The following TTN variants were observed in gnomAD, a reference collection of about 807,000 sequenced individuals.
TTN encodes connectin.
In TTN, 1,525 loss-of-function variants were observed where a neutral mutation model predicts 3,223.0. The observed-to-expected ratio is 0.47, with a 90% CI of 0.45 to 0.49. TTN has a LOEUF of 0.49. Among genes scored for constraint, TTN ranks in the 20% least tolerant of loss-of-function variants. The pLI, the probability that TTN is intolerant of heterozygous loss-of-function variation, is 0.00. For synonymous variants in TTN, 14,094 were observed against 15,161.0 expected, an observed-to-expected ratio of 0.93 and a Z score of 5.17; for missense variants, 40,786 against 43,424.0, an observed-to-expected ratio of 0.94 and a Z score of 5.40.
In TTN at chr2:178,534,345, G is replaced by T; in HGVS notation, c.102270C>A (p.His34090Gln). The part of the protein sequence containing the change: ...VSTKVIRTLK[H>Q]RRYYHTLIKK... ...TGATCAGGGTGTGGTAATAACGCCG[G>T]TGTTTTAATGTTCTGATAACTTTAG... is the stretch of plus-strand genomic sequence containing the variant. The change falls in exon 358 of 363, where the codon CAC (histidine) becomes CAA (glutamine). Residue 34090 changes from histidine to glutamine, a missense_variant. Coordinates refer to ENST00000589042, the MANE Select transcript of TTN (RefSeq NM_001267550.2). 6.2e-7 allele frequency: 1 copy of T among 1,612,286 alleles called. No homozygotes were observed. Among genetic ancestry groups the T allele is most frequent in the Non-Finnish European group, 8.5e-7 (1 of 1,179,820 alleles).
At chr2:178,616,435 C>T (rs538916994) in intron 257 of TTN, 44 bp downstream of exon 257, 7 of 1,604,872 alleles carry the variant, frequency 4.4e-6, no homozygotes, top group Non-Finnish European at 5.9e-6. Flanking sequence ...GGGATTTCCC[C>T]TACTCTCATT....
In TTN at chr2:178,643,340, T is replaced by C. The variant is rs989880411; in HGVS notation, c.40478-1023A>G. On this transcript the variant is annotated intron_variant, in intron 218 of 362. Coordinates refer to ENST00000589042, the MANE Select transcript of TTN (RefSeq NM_001267550.2). Reference sequence around the variant, plus strand: ...AATTTAAACCTACAATAGGCAAATATGTATTTCGTTTTGAATAATCATTTT... The same window carrying C: ...AATTTAAACCTACAATAGGCAAATACGTATTTCGTTTTGAATAATCATTTT... Among the ~76,000 whole-genome samples, 15 of 152,098 alleles carry C rather than the reference T, an allele frequency of 9.9e-5. No individual in the cohort carries two copies. In the East Asian group the frequency reaches 2.9e-3, roughly 29 times the overall value.
chr2:178,678,469 A>G lies in TTN; in HGVS notation c.33855T>C (p.Pro11285=). The G allele has an allele frequency of 1.3e-6, 2 of 1,594,092 alleles. No individual in the cohort carries two copies. Among genetic ancestry groups the G allele is most frequent in the South Asian group, 2.3e-5 (2 of 86,844 alleles). The change falls in exon 144 of 363, where the codon CCT becomes CCC. Residue 11285 remains proline, a synonymous_variant. Transcript: ENST00000589042. ...KVPEVPKKPV[P]EKKVPVPAPK... ...GAGCAGGAACTGGCACCTTCTTCTC[A>G]GGCACAGGCTTCTTGGGTACCTCTG...
chr2:178,690,550 C>A (rs2072134738), intron 121 of TTN, among the ~76,000 whole-genome samples: 1 of 151,922 alleles, frequency 6.6e-6, no homozygotes, highest in Non-Finnish European at 1.5e-5. Context: ...GGTTTTCAAC[C>A]TAAAAAATGT....
At position 178,669,265 on chromosome 2, in the gene TTN, C is replaced by A; in HGVS notation, c.35545+108G>T. 4 of 860,094 alleles carry A rather than the reference C, an allele frequency of 4.7e-6. No homozygotes were observed. The South Asian group carries it at 7.3e-5, about 16-fold the overall frequency. 53.3% of individuals were successfully genotyped at this position (860,094 alleles called of 1,614,324 possible). On this transcript the variant is annotated intron_variant, in intron 159 of 362. Coordinates refer to ENST00000589042, the MANE Select transcript of TTN (RefSeq NM_001267550.2). ...AGTCATATATTTGTGGCATGTTAGG[C>A]TTTTATAAGAGTTTAGTATATTTAC... is the stretch of plus-strand genomic sequence containing the variant.
intron 354 of TTN, 74 bp downstream of exon 354, chr2:178,538,466 C>A: frequency 2.1e-6 from 3 of 1,422,900 alleles, no homozygotes; most frequent in Non-Finnish European, 2.8e-6. Flanking sequence ...CAGGGTTCTA[C>A]TTAGTATAGA....
rs1357814441 is a variant in TTN, at chr2:178,775,996, C to G, written c.5868G>C (p.Lys1956Asn). 1 of 1,614,152 alleles carries G rather than the reference C, an allele frequency of 6.2e-7. No individual in the cohort carries two copies. ...CCACTTTTTGTACTTCAAACTGAAGCTTTCCTGGTTCATGTACGTGAAACT... is the reference window on the plus strand; with the variant it reads ...CCACTTTTTGTACTTCAAACTGAAGGTTTCCTGGTTCATGTACGTGAAACT... ...RPEFHVHEPG[K>N]LQFEVQKVDR... The change falls in exon 28 of 363, where the codon AAG becomes AAC. Residue 1956 changes from lysine to asparagine, a missense_variant. By Grantham distance (94) the Lys-to-Asn change is moderately conservative (BLOSUM62 0). Coordinates refer to ENST00000589042, the MANE Select transcript of TTN (RefSeq NM_001267550.2).
rs555555534 is a variant in TTN at position 178,532,436 on chromosome 2, T to C, written c.104179A>G (p.Arg34727Gly). The stretch of plus-strand genomic sequence containing the variant: ...GTTGGGATGTGATAGGTTGAATACC[T>C]GAAGTCTTTTCTTGTTTCCTCCACC... ...VKVEETRKDF[R>G]YSTYHIPTKA... The change falls in exon 358 of 363, where the codon AGG becomes GGG. Residue 34727 changes from arginine (R) to glycine (G), a missense_variant. Transcript: ENST00000589042. 15 of 1,614,018 alleles carry C rather than the reference T, an allele frequency of 9.3e-6. 1 individual carries two copies. The East Asian group carries it at 1.3e-4, about 14-fold the overall frequency.
intron 240 of TTN, among the ~76,000 whole-genome samples, chr2:178,626,857 T>C (rs2059128710): frequency 6.6e-6 from 1 of 151,978 alleles, no homozygotes; most frequent in Non-Finnish European, 1.5e-5. Flanking sequence ...ATTAATATTA[T>C]GTTGCTTTAT....
At position 178,572,716 on chromosome 2, in the gene TTN, T is replaced by G. The variant is rs1239070012; in HGVS notation, c.73416A>C (p.Lys24472Asn). ...WARDHGESLD[K>N]ASIESTSSYT... ...AAGAGCTTGTGGATTCGATGCTAGC[T>G]TTATCTAAAGATTCTCCATGGTCCC... The change falls in exon 326 of 363, where the codon AAA becomes AAC. Residue 24472 changes from lysine to asparagine, a missense_variant. Coordinates refer to ENST00000589042, the MANE Select transcript of TTN (RefSeq NM_001267550.2). 1.9e-6 allele frequency: 3 copies of G among 1,613,358 alleles called. No homozygotes were observed. The highest frequency in any genetic ancestry group is 1.7e-6 in the Non-Finnish European group (2 of 1,179,596).
In TTN at chr2:178,728,518, C is replaced by A. The variant is rs2079777866; in HGVS notation, c.19408G>T (p.Ala6470Ser). The change falls in exon 66 of 363, where the codon GCC (alanine) becomes TCC (serine). Residue 6470 changes from alanine to serine, a missense_variant. Ala to Ser is a moderately conservative substitution (Grantham distance 99, BLOSUM62 1). Transcript: ENST00000589042. Reference sequence around the variant, plus strand: ...TACAAACCTAGCACTCTTAAGTAGGCATCACAGCTACTGCTTCCGAAGTCA... The same window carrying A: ...TACAAACCTAGCACTCTTAAGTAGGAATCACAGCTACTGCTTCCGAAGTCA... ...ENDFGSSSCD[A>S]YLRVLDQNIP... The A allele has an allele frequency of 1.9e-6, 3 of 1,610,578 alleles. No homozygotes were observed. In the East Asian group the frequency reaches 6.7e-5, roughly 36 times the overall value.
intron 152 of TTN, among the ~76,000 whole-genome samples, chr2:178,673,380 A>G (rs1406343639): frequency 1.3e-5 from 2 of 151,850 alleles, no homozygotes; most frequent in Non-Finnish European, 2.9e-5. Context: ...GTATAAGTAT[A>G]TAGAGACATA....
chr2:178,773,564 T>G lies in TTN; in HGVS notation c.7492A>C (p.Thr2498Pro). 2 of 1,614,110 alleles carry G rather than the reference T, an allele frequency of 1.2e-6. No homozygotes were observed. Among genetic ancestry groups the G allele is most frequent in the Non-Finnish European group, 1.7e-6 (2 of 1,179,972 alleles). The part of the protein sequence containing the change: ...DDRVQAIVKG[T>P]KQRLVINRTH... ...CGGTTAATGACTAGTCGCTGTTTAG[T>G]ACCTTTCACAATGGCCTGTACACGG... Residue 2498 changes from threonine to proline, a missense_variant, in exon 32 of 363, where the codon ACT becomes CCT. Transcript: ENST00000589042.
At chr2:178,597,422 T>G in intron 294 of TTN, 116 bp downstream of exon 294, 1 of 1,200,572 alleles carries the variant, frequency 8.3e-7, no homozygotes, top group Non-Finnish European at 1.1e-6. Flanking sequence ...AACATGATTA[T>G]GGGTGATTTT....
intron 128 of TTN, 83 bp from the exon 129 acceptor site, chr2:178,685,413 G>T (rs1253863992): frequency 2.1e-5 from 31 of 1,465,654 alleles, no homozygotes; most frequent in Non-Finnish European, 2.8e-5. Context: ...TATTAGACAT[G>T]ATATTTATCA....
chr2:178,747,934 G>T (rs573214594), intron 47 of TTN: 2 of 1,613,054 alleles, frequency 1.2e-6, no homozygotes, highest in East Asian at 4.5e-5. Context: ...GCTGTCTATG[G>T]AGTGTGTCAG....
In TTN at chr2:178,724,411, C is replaced by T. The variant is rs1553914054; in HGVS notation, c.20964G>A (p.Leu6988=). 2 of 1,613,520 alleles carry T rather than the reference C, an allele frequency of 1.2e-6. No homozygotes were observed. Among genetic ancestry groups the T allele is most frequent in the East Asian group, 4.5e-5 (2 of 44,860 alleles). Residue 6988 remains leucine (L), a synonymous_variant, in exon 72 of 363, where the codon TTG becomes TTA. Coordinates refer to ENST00000589042, the MANE Select transcript of TTN (RefSeq NM_001267550.2). Reference sequence around the variant, plus strand: ...TAAATTTGTGTTTTTGGCTGCTGGTCAACAGCTTTCCATCCTTGTACCATT... The same window carrying T: ...TAAATTTGTGTTTTTGGCTGCTGGTTAACAGCTTTCCATCCTTGTACCATT... ...SVEWYKDGKL[L]TSSQKHKFSF... is the part of the protein sequence containing the mutation.
rs1449597774 is a variant in TTN at position 178,541,452 on chromosome 2, C to G, written c.97625G>C (p.Arg32542Thr). 7 of 1,613,412 alleles carry G rather than the reference C, an allele frequency of 4.3e-6. No individual in the cohort carries two copies. The highest frequency in any genetic ancestry group is 2.2e-5 in the East Asian group (1 of 44,844). The change falls in exon 350 of 363, where the codon AGA (arginine) becomes ACA (threonine). Residue 32542 changes from arginine to threonine, a missense_variant. Physicochemically the swap from Arg to Thr is moderately conservative, Grantham distance 71. Transcript: ENST00000589042. ...ATTTACACGGACCCATCGATCTGCT[C>G]TCACTTCTTTGCGCTCCACAATATA... The part of the protein sequence containing the change: ...TGYIVERKEV[R>T]ADRWVRVNKV...
chr2:178,538,020 C>T (rs1692443020), intron 354 of TTN, 103 bp from the exon 355 acceptor site: 6 of 1,061,076 alleles, frequency 5.7e-6, no homozygotes, highest in Middle Eastern at 2.3e-4. Context: ...CTGACACATA[C>T]CATGATTTAC....
Sources: allele counts gnomAD v4.1 joint callset (sites outside exome capture counted in the v4.1 genomes callset), GRCh38; gene constraint gnomAD v4.1.1; transcripts MANE v1.5; gene names NCBI Gene and HGNC (gene_info 2026-07-23, HGNC 2026-07-21).